PAFAH1B1: variants seen among roughly 807,000 people sequenced by gnomAD.
PAFAH1B1 encodes the protein platelet activating factor acetylhydrolase 1b regulatory subunit 1.
PAFAH1B1 carries 2 observed loss-of-function variants against 57.5 expected under a neutral mutation model. The observed-to-expected ratio is 0.03, with a 90% CI of 0.01 to 0.11. The LOEUF (loss-of-function observed/expected upper bound fraction) is 0.11. PAFAH1B1 is among the 10% of genes least tolerant of loss of function. The pLI is 1.00. For missense variants in PAFAH1B1, 257 were observed against 512.0 expected, an observed-to-expected ratio of 0.50 and a Z score of 4.81; for synonymous variants, 152 against 169.6, an observed-to-expected ratio of 0.90 and a Z score of 0.81.
intron 2 of PAFAH1B1, among the ~76,000 whole-genome samples, chr17:2,663,648 G>A (rs1203718131): frequency 2.6e-5 from 4 of 151,654 alleles, no homozygotes; most frequent in Non-Finnish European, 4.4e-5. Flanking sequence ...CAGATTGTTG[G>A]CTTAAATATT....
intron 1 of PAFAH1B1, among the ~76,000 whole-genome samples, chr17:2,609,848 A>C (rs1311532777): frequency 6.6e-6 from 1 of 150,720 alleles, no homozygotes; most frequent in African/African-American, 2.4e-5. Context: ...ATTTTAAGAC[A>C]GAGTCCTGCT....
chr17:2,614,021 GTT>G (rs11432432), intron 1 of PAFAH1B1: 9 of 97,022 alleles, frequency 9.3e-5, no homozygotes, highest in East Asian at 2.9e-4. Flanking sequence ...TATATATTGG[GTT>G]TTTTTTTTTT....
intron 1 of PAFAH1B1, among the ~76,000 whole-genome samples, chr17:2,632,492 C>G (rs1225652564): frequency 6.6e-6 from 1 of 152,114 alleles, no homozygotes; most frequent in Non-Finnish European, 1.5e-5. Flanking sequence ...ATTGAAGAAA[C>G]TGGGTCATTT....
chr17:2,607,046 G>A (rs2068213647), intron 1 of PAFAH1B1, among the ~76,000 whole-genome samples: 1 of 151,778 alleles, frequency 6.6e-6, no homozygotes, highest in African/African-American at 2.4e-5. Flanking sequence ...GGATGGTCTC[G>A]ATTTCCTGAC....
chr17:2,617,524 G>T (rs1311588061), intron 1 of PAFAH1B1, among the ~76,000 whole-genome samples: 1 of 152,146 alleles, frequency 6.6e-6, no homozygotes. Flanking sequence ...AAACCAACCT[G>T]ATCTCTTTTT....
chr17:2,598,754 C>A (rs1036937046), intron 1 of PAFAH1B1, among the ~76,000 whole-genome samples: 5 of 152,052 alleles, frequency 3.3e-5, no homozygotes, highest in Non-Finnish European at 7.4e-5. Context: ...TTTGAGAAAT[C>A]TGTATTTCAT....
At chr17:2,626,443 A>T (rs563792720) in intron 1 of PAFAH1B1, among the ~76,000 whole-genome samples, 32 of 151,902 alleles carry the variant, frequency 2.1e-4, no homozygotes, top group Middle Eastern at 6.8e-3. Flanking sequence ...TCACAGGCTG[A>T]AATAATCTGA....
intron 1 of PAFAH1B1, among the ~76,000 whole-genome samples, chr17:2,632,353 G>A (rs188522615): frequency 5.3e-5 from 8 of 152,242 alleles, no homozygotes; most frequent in Non-Finnish European, 1.0e-4. Flanking sequence ...TTTGTTCATT[G>A]GTTTATTTTA....
chr17:2,662,378 T>TTGTGTG (rs57918293), intron 2 of PAFAH1B1, among the ~76,000 whole-genome samples: 10,011 of 123,464 alleles, frequency 0.081, 531 homozygotes, highest in East Asian at 0.17. Context: ...TTTAACCTCT[T>TTGTGTG]TGTGTGTGTG....
At position 2,655,285 on chromosome 17, in the gene PAFAH1B1, T is replaced by C. The variant is rs1042279597; in HGVS notation, c.33-10087T>C. ...TGATCAAGGTCAAAATTGTTGACTT[T>C]CTGGAGAATTCATACAAAGCCCTTT... On this transcript the variant is annotated intron_variant, in intron 2 of 10. Coordinates refer to ENST00000397195, the MANE Select transcript of PAFAH1B1 (RefSeq NM_000430.4). Among the ~76,000 whole-genome samples the C allele has an allele frequency of 2.6e-5, 4 of 151,964 alleles. 1 individual carries two copies. The South Asian group carries it at 8.3e-4, about 32-fold the overall frequency.
At chr17:2,665,603 TTTTTA>T (rs2069095766) in intron 3 of PAFAH1B1, 147 bp downstream of exon 3, 2 of 578,870 alleles carry the variant, frequency 3.5e-6, no homozygotes, top group Non-Finnish European at 6.1e-6. Context: ...TTTTTTTTAT[TTTTTA>T]TTTTAATTTT....
At chr17:2,613,572 TGGTCAGCGGG>T (rs2068294741) in intron 1 of PAFAH1B1, 1 of 277,402 alleles carries the variant, frequency 3.6e-6, no homozygotes, top group African/African-American at 2.3e-5. Flanking sequence ...AACCCCGTGG[TGGTCAGCGGG>T]TGCTCCCCCG....
Position 2,682,435 on chromosome 17 carries a change from A to T in PAFAH1B1, c.*633A>T, listed in dbSNP as rs1263417753. The stretch of plus-strand genomic sequence containing the variant: ...GCAGAGGCTAGTGGTATATTTATGT[A>T]AGAAAATGACTGTAAATCTCAAGAA... On this transcript the variant is annotated 3_prime_UTR_variant, in exon 11 of 11. Transcript: ENST00000397195. 1 of 152,662 alleles carries T rather than the reference A, an allele frequency of 6.6e-6. No homozygotes were observed. The highest frequency in any genetic ancestry group is 6.5e-5 in the Admixed American group (1 of 15,278). The allele number at this position is 152,662 out of a possible 1,614,324, so 9.5% of individuals were successfully genotyped here. A position where few individuals can be genotyped will look rare whatever the true frequency, so the allele number is the denominator to read the frequency against.
intron 1 of PAFAH1B1, among the ~76,000 whole-genome samples, chr17:2,611,433 A>T (rs1484482353): frequency 6.6e-6 from 1 of 151,494 alleles, no homozygotes; most frequent in South Asian, 2.1e-4. Flanking sequence ...ACGCCATTGC[A>T]CTCCAGCCTG....
intron 1 of PAFAH1B1, among the ~76,000 whole-genome samples, chr17:2,599,693 T>C (rs1475159017): frequency 1.3e-5 from 2 of 152,140 alleles, no homozygotes; most frequent in Non-Finnish European, 2.9e-5. Flanking sequence ...TTTTATATTC[T>C]CTGAGGGAAC....
rs543660710 is a variant in PAFAH1B1 at position 2,652,377 on chromosome 17, T to C, written c.33-12995T>C. Among the ~76,000 whole-genome samples, 488 of 152,364 alleles carry C rather than the reference T, an allele frequency of 3.2e-3. 2 individuals carry two copies. Among genetic ancestry groups the C allele is most frequent in the South Asian group, 0.018 (87 of 4,828 alleles). On this transcript the variant is annotated intron_variant, in intron 2 of 10. Transcript: ENST00000397195. ...TTGCAGTGAGCCAAGATCGCGCCACTGCACTCCAGCCTGGGCGGCAGAGCG... is the reference window on the plus strand; with the variant it reads ...TTGCAGTGAGCCAAGATCGCGCCACCGCACTCCAGCCTGGGCGGCAGAGCG...
chr17:2,662,911 G>C (rs2069037942), intron 2 of PAFAH1B1, among the ~76,000 whole-genome samples: 1 of 151,866 alleles, frequency 6.6e-6, no homozygotes, highest in African/African-American at 2.4e-5. Context: ...AGGAGTTTGA[G>C]AAGACCAGCC....
intron 1 of PAFAH1B1, among the ~76,000 whole-genome samples, chr17:2,627,179 T>C (rs1206514950): frequency 1.3e-5 from 2 of 152,224 alleles, no homozygotes; most frequent in African/African-American, 4.8e-5. Flanking sequence ...AGCCAATGTC[T>C]AGAAGGGTTT....
intron 2 of PAFAH1B1, chr17:2,638,657 G>A (rs1426421671): frequency 5.5e-5 from 14 of 253,104 alleles, no homozygotes; most frequent in Non-Finnish European, 9.2e-5. Flanking sequence ...ACAGGCACCC[G>A]CTACCATGCC....
Sources: allele counts gnomAD v4.1 joint callset (sites outside exome capture counted in the v4.1 genomes callset), GRCh38; gene constraint gnomAD v4.1.1; transcripts MANE v1.5; gene names NCBI Gene and HGNC (gene_info 2026-07-23, HGNC 2026-07-21).